Variants in ZPBP observed in about 807,000 individuals in gnomAD.
ZPBP encodes zona pellucida-binding protein 1.
In ZPBP, 26 loss-of-function variants were observed where a neutral mutation model predicts 44.8. The ratio of observed to expected loss-of-function variants is 0.58; its 90% CI spans 0.43 to 0.81. The LOEUF (loss-of-function observed/expected upper bound fraction) is 0.81. Among genes scored for constraint, ZPBP ranks in the 30% least tolerant of loss-of-function variants. ZPBP has a pLI of 0.00. For synonymous variants in ZPBP, 174 were observed against 153.2 expected (o/e 1.14, Z -1.00); for missense variants, 409 against 434.0 (o/e 0.94, Z 0.51).
intron 2 of ZPBP, among the ~76,000 whole-genome samples, chr7:49,857,096 TG>T: frequency 6.6e-6 from 1 of 151,172 alleles, no homozygotes. Context: ...AATATCATAT[TG>T]TTAACTATGG....
intron 5 of ZPBP, among the ~76,000 whole-genome samples, chr7:50,018,535 A>T (rs541049020): frequency 2.6e-4 from 40 of 152,148 alleles, no homozygotes; most frequent in Non-Finnish European, 4.6e-4. Flanking sequence ...TTAAGAATTA[A>T]TCAACTTTCC....
intron 2 of ZPBP, among the ~76,000 whole-genome samples, chr7:49,883,911 T>A (rs1384636): frequency 6.6e-6 from 1 of 152,100 alleles, no homozygotes; most frequent in African/African-American, 2.4e-5. Flanking sequence ...TGGCTTCGGA[T>A]TGTCTTCTGC....
chr7:49,969,839 AG>A (rs1362961478), intron 7 of ZPBP, among the ~76,000 whole-genome samples: 47 of 78,316 alleles, frequency 6.0e-4, no homozygotes, highest in East Asian at 1.5e-3. Flanking sequence ...AGAGAGAGAG[AG>A]AGAGAAAGAG....
At chr7:49,856,526 G>T (rs909862293) in intron 2 of ZPBP, among the ~76,000 whole-genome samples, 4 of 152,088 alleles carry the variant, frequency 2.6e-5, no homozygotes, top group African/African-American at 9.7e-5. Flanking sequence ...CAAAATGGAC[G>T]AATACAGCAG....
At chr7:49,918,135 A>C (rs1018967380) in intron 1 of ZPBP, 1 of 152,182 alleles carries the variant, frequency 6.6e-6, no homozygotes, top group African/African-American at 2.4e-5. Context: ...ATCACATTTA[A>C]CCTCACAGTT....
intron 7 of ZPBP, among the ~76,000 whole-genome samples, chr7:49,970,528 G>T (rs1033798998): frequency 8.5e-5 from 8 of 94,216 alleles, no homozygotes; most frequent in Admixed American, 3.3e-4. Flanking sequence ...AAGGGCACAT[G>T]AAACAATCTT....
chr7:50,011,315 T>C lies in ZPBP; in HGVS notation c.783+6925A>G, dbSNP rs565181922. Among the ~76,000 whole-genome samples the C allele has an allele frequency of 9.8e-5, 15 of 152,286 alleles. 1 individual carries two copies. The South Asian group carries it at 3.1e-3, about 32-fold the overall frequency. On this transcript the variant is annotated intron_variant, in intron 6 of 7. Coordinates refer to ENST00000046087, the MANE Select transcript of ZPBP (RefSeq NM_007009.3). The stretch of plus-strand genomic sequence containing the variant: ...GACACTGGCTTAGGCAAAGAGTTCA[T>C]GACGATGAATGCAAAAGCAAATGCA...
intron 2 of ZPBP, 150 bp from the exon 3 acceptor site, chr7:50,082,049 ATTCT>A: frequency 1.3e-6 from 1 of 777,046 alleles, no homozygotes; most frequent in Non-Finnish European, 2.0e-6. Flanking sequence ...ATTTCATTGC[ATTCT>A]ATGCAATTAA....
At position 50,031,162 on chromosome 7, in the gene ZPBP, A is replaced by C; in HGVS notation, c.636T>G (p.Leu212=). The change falls in exon 5 of 8, where the codon CTT becomes CTG. Residue 212 remains leucine, a synonymous_variant. Transcript: ENST00000046087. Reference sequence around the variant, plus strand: ...TTTTAACGCGATGGCATTCAGACTTAAGTAAGGAAATTTCACATGAAAGGT... The same window carrying C: ...TTTTAACGCGATGGCATTCAGACTTCAGTAAGGAAATTTCACATGAAAGGT... The part of the protein sequence containing the change: ...LLDLSCEISL[L]KSECHRVKMQ... 6.2e-7 allele frequency: 1 copy of C among 1,613,798 alleles called. No individual in the cohort carries two copies. The highest frequency in any genetic ancestry group is 8.5e-7 in the Non-Finnish European group (1 of 1,179,844).
chr7:49,859,663 G>T (rs568077712), intron 2 of ZPBP, among the ~76,000 whole-genome samples: 1 of 152,228 alleles, frequency 6.6e-6, no homozygotes, highest in African/African-American at 2.4e-5. Flanking sequence ...TCTCTAAAGT[G>T]CTATAGATTT....
chr7:49,969,104 T>G (rs1796178158), intron 7 of ZPBP, among the ~76,000 whole-genome samples: 1 of 151,062 alleles, frequency 6.6e-6, no homozygotes, highest in African/African-American at 2.4e-5. Context: ...TTTCCTTCTA[T>G]TAATGTAAAC....
At chr7:49,999,678 T>A (rs1196453283) in intron 6 of ZPBP, among the ~76,000 whole-genome samples, 4 of 144,126 alleles carry the variant, frequency 2.8e-5, no homozygotes, top group African/African-American at 1.0e-4. Context: ...AGATGGATGT[T>A]CCAGCTCAAA....
chr7:49,928,767 A>C (rs78808863), intron 1 of ZPBP, among the ~76,000 whole-genome samples: 7,304 of 152,194 alleles, frequency 0.048, 179 homozygotes, highest in African/African-American at 0.066. Context: ...ATGCATACCC[A>C]ACTCCATGGC....
chr7:50,062,406 A>G (rs918938557), intron 3 of ZPBP, among the ~76,000 whole-genome samples: 1 of 152,202 alleles, frequency 6.6e-6, no homozygotes, highest in South Asian at 2.1e-4. Context: ...GAGGTAACAC[A>G]CTACCTGACT....
the ZPBP span, among the ~76,000 whole-genome samples, chr7:49,843,046 C>T: frequency 1.3e-5 from 2 of 152,126 alleles, no homozygotes; most frequent in African/African-American, 4.8e-5. Context: ...TTTTCCCCTT[C>T]CCTTTCCCCG....
Position 50,079,113 on chromosome 7 carries a change from T to C in ZPBP, c.334+2661A>G, listed in dbSNP as rs144302219. On this transcript the variant is annotated intron_variant, in intron 3 of 7. Coordinates refer to ENST00000046087, the MANE Select transcript of ZPBP (RefSeq NM_007009.3). ...AAAATATTACAAACTACTTTATGCA[T>C]ATAAATACAACACATTTAAAAATCC... 6.3e-3 allele frequency among the ~76,000 whole-genome samples: 955 copies of C among 151,702 alleles called. 8 individuals carry two copies. The highest frequency in any genetic ancestry group is 0.021 in the African/African-American group (891 of 41,502).
intron 5 of ZPBP, among the ~76,000 whole-genome samples, chr7:50,023,264 G>GA (rs1799174425): frequency 6.6e-6 from 1 of 152,010 alleles, no homozygotes; most frequent in Non-Finnish European, 1.5e-5. Context: ...CAGGCTCTCT[G>GA]AAAAAACTGA....
At chr7:49,983,139 TA>T (rs574387413) in intron 7 of ZPBP, among the ~76,000 whole-genome samples, 1 of 152,044 alleles carries the variant, frequency 6.6e-6, no homozygotes, top group Non-Finnish European at 1.5e-5. Flanking sequence ...TCCCTTGCTG[TA>T]ATATTAATAC....
chr7:50,004,383 G>T (rs1197349300), intron 6 of ZPBP, among the ~76,000 whole-genome samples: 1 of 152,044 alleles, frequency 6.6e-6, no homozygotes, highest in African/African-American at 2.4e-5. Flanking sequence ...GCCTCAGACT[G>T]AGGGCTACAT....
Sources: allele counts gnomAD v4.1 joint callset (sites outside exome capture counted in the v4.1 genomes callset), GRCh38; gene constraint gnomAD v4.1.1; transcripts MANE v1.5; gene names NCBI Gene and HGNC (gene_info 2026-07-23, HGNC 2026-07-21).